Variants in NEBL observed in about 807,000 individuals in gnomAD.
The protein encoded by NEBL is LIM and SH3 protein 2.
A neutral mutation model predicts 140.2 loss-of-function variants in NEBL; 122 were observed. That is an observed-to-expected ratio of 0.87 (90% CI 0.75 to 1.01). The LOEUF is 1.01. Ranked by LOEUF, NEBL falls within the 50% of genes least tolerant of loss-of-function variation. The probability of loss-of-function intolerance (pLI) is 0.00; values close to 1 mark genes in which losing one functional copy is unlikely to be tolerated. For missense variants in NEBL, 1,365 were observed against 1,231.3 expected, an observed-to-expected ratio of 1.11 and a Z score of -1.62; for synonymous variants, 436 against 398.9, an observed-to-expected ratio of 1.09 and a Z score of -1.11.
chr10:20,951,979 G>A (rs935109851), intron 4 of NEBL, among the ~76,000 whole-genome samples: 1 of 151,940 alleles, frequency 6.6e-6, no homozygotes, highest in East Asian at 1.9e-4. Context: ...ATTCACATCT[G>A]CCCAGGCTAA....
intron 3 of NEBL, among the ~76,000 whole-genome samples, chr10:21,222,812 G>A (rs1491004342): frequency 6.6e-6 from 1 of 152,144 alleles, no homozygotes; most frequent in Non-Finnish European, 1.5e-5. Context: ...GCCCAGGCTG[G>A]AATGCAATGG....
At chr10:21,260,352 A>G in intron 1 of NEBL, among the ~76,000 whole-genome samples, 1 of 152,232 alleles carries the variant, frequency 6.6e-6, no homozygotes, top group East Asian at 1.9e-4. Flanking sequence ...CAAATTTGCT[A>G]ACAGGGCCTG....
At chr10:21,140,698 T>C (rs1839588085) in intron 2 of NEBL, among the ~76,000 whole-genome samples, 1 of 152,094 alleles carries the variant, frequency 6.6e-6, no homozygotes, top group Non-Finnish European at 1.5e-5. Flanking sequence ...AAATCAATAC[T>C]AATTAAAAAC....
Position 20,817,695 on chromosome 10 carries a change from A to C in NEBL, c.2056-3T>G. The C allele has an allele frequency of 6.2e-7, 1 of 1,602,244 alleles. No individual in the cohort carries two copies. Among genetic ancestry groups the C allele is most frequent in the Non-Finnish European group, 8.6e-7 (1 of 1,169,236 alleles). ...TGAAGTTCTCCCTTATATTTTACCT[A>C]AGAAGGATAAATAAGAACTTTAACA... On this transcript the variant is annotated splice_polypyrimidine_tract_variant and splice_region_variant and intron_variant, in intron 20 of 27. Coordinates refer to ENST00000377122, the MANE Select transcript of NEBL (RefSeq NM_006393.3).
At chr10:21,219,366 T>G (rs564804576) in intron 3 of NEBL, among the ~76,000 whole-genome samples, 3 of 152,360 alleles carry the variant, frequency 2.0e-5, no homozygotes, top group African/African-American at 7.2e-5. Flanking sequence ...AAAACCAACC[T>G]ATTGACATTC....
In NEBL at chr10:21,166,875, G is replaced by A. The variant is rs575012414; in HGVS notation, c.164+5508C>T. Among the ~76,000 whole-genome samples, 3 of 152,316 alleles carry A rather than the reference G, an allele frequency of 2.0e-5. No individual in the cohort carries two copies. In the East Asian group the frequency reaches 5.8e-4, roughly 29 times the overall value. ...CCTTGAGATAACTCAAGTCCTTGGA[G>A]TGTTCTAGAACCAAATTCAGGAGGC... is the stretch of plus-strand genomic sequence containing the variant. On this transcript the variant is annotated intron_variant, in intron 2 of 6. Coordinates refer to the NEBL transcript ENST00000417816.
At chr10:20,942,793 CTT>C (rs199626535) in intron 4 of NEBL, among the ~76,000 whole-genome samples, 4,896 of 152,258 alleles carry the variant, frequency 0.032, 383 homozygotes, top group East Asian at 0.26. Context: ...TGAATAGACA[CTT>C]CTCAAAAGAA....
rs1263039483 is a variant in NEBL at position 21,115,267 on chromosome 10, C to G, written c.164+57116G>C. ...ACCTTGTTATAATATTTGCTTTAAA[C>G]AGTTAATTGTTTTTTAAAGATATTT... On this transcript the variant is annotated intron_variant, in intron 2 of 6. Transcript: ENST00000417816. Among the ~76,000 whole-genome samples the G allele has an allele frequency of 2.6e-5, 4 of 151,966 alleles. No individual in the cohort carries two copies. In the East Asian group the frequency reaches 7.7e-4, roughly 29 times the overall value.
intron 19 of NEBL, among the ~76,000 whole-genome samples, chr10:20,821,669 C>T (rs954584117): frequency 1.3e-4 from 20 of 152,316 alleles, no homozygotes; most frequent in Non-Finnish European, 2.5e-4. Flanking sequence ...AAGTCAACTG[C>T]TCTTAAACAT....
At chr10:20,874,906 G>GT (rs369083889) in intron 5 of NEBL, among the ~76,000 whole-genome samples, 1,950 of 151,932 alleles carry the variant, frequency 0.013, 40 homozygotes, top group African/African-American at 0.045. Context: ...CACCCAGATA[G>GT]TTTTTGTATT....
chr10:21,088,064 G>C (rs1836725235), intron 2 of NEBL, among the ~76,000 whole-genome samples: 1 of 152,190 alleles, frequency 6.6e-6, no homozygotes, highest in African/African-American at 2.4e-5. Flanking sequence ...CCCTGACAGT[G>C]TTTCCCTCCC....
intron 9 of NEBL, among the ~76,000 whole-genome samples, chr10:20,857,979 T>C (rs932165316): frequency 6.6e-5 from 10 of 152,096 alleles, no homozygotes; most frequent in Admixed American, 6.5e-4. Context: ...GAAAGAAGAA[T>C]GATGGAAAGG....
intron 2 of NEBL, chr10:21,029,854 G>A: frequency 1.5e-6 from 1 of 682,532 alleles, no homozygotes; most frequent in Non-Finnish European, 2.7e-6. Flanking sequence ...TTGGCAGTGG[G>A]TACCCAGGGA....
rs111854914 is a variant in NEBL at position 20,868,724 on chromosome 10, G to A, written c.624C>T (p.Pro208=). The change falls in exon 7 of 28, where the codon CCC becomes CCT. Residue 208 remains proline (P), a synonymous_variant. Transcript: ENST00000377122. ...KKGQGIMNKE[P]AVIGRPDFEH... ...CAAAATCTGGTCTTCCAATTACAGC[G>A]GGCTCTTTATTCATTATTCCTTGTC... is the stretch of plus-strand genomic sequence containing the variant. The A allele has an allele frequency of 2.0e-4, 323 of 1,612,428 alleles. No individual in the cohort carries two copies. The African/African-American group carries it at 3.6e-3, about 18-fold the overall frequency.
chr10:21,087,359 C>CT (rs1272661158), intron 2 of NEBL, among the ~76,000 whole-genome samples: 3 of 151,886 alleles, frequency 2.0e-5, no homozygotes, highest in Admixed American at 6.6e-5. Context: ...CATAATTAAG[C>CT]TTTTTTTTAT....
At chr10:20,832,007 A>T (rs1840462764) in intron 14 of NEBL, among the ~76,000 whole-genome samples, 1 of 152,074 alleles carries the variant, frequency 6.6e-6, no homozygotes, top group South Asian at 2.1e-4. Flanking sequence ...TTGGCTCCCT[A>T]ATTTGCCACT....
chr10:21,288,851 A>ATATATATATATATATAT (rs1337610393), intron 1 of NEBL, among the ~76,000 whole-genome samples: 29 of 32,132 alleles, frequency 9.0e-4, no homozygotes, highest in East Asian at 2.3e-3. Context: ...TATATATATA[A>ATATATATATATATATAT]AAATTTTTTT....
intron 2 of NEBL, among the ~76,000 whole-genome samples, chr10:21,163,371 A>G (rs2132159459): frequency 6.6e-6 from 1 of 152,268 alleles, no homozygotes; most frequent in East Asian, 1.9e-4. Flanking sequence ...AGTGCAGGTT[A>G]TCCAAACAGG....
intron 2 of NEBL, among the ~76,000 whole-genome samples, chr10:21,167,502 C>G (rs1180998450): frequency 6.6e-6 from 1 of 152,076 alleles, no homozygotes; most frequent in Non-Finnish European, 1.5e-5. Context: ...TTGGTGGCAC[C>G]CCAGACCTAA....
Sources: allele counts gnomAD v4.1 joint callset (sites outside exome capture counted in the v4.1 genomes callset), GRCh38; gene constraint gnomAD v4.1.1; transcripts MANE v1.5; gene names NCBI Gene and HGNC (gene_info 2026-07-23, HGNC 2026-07-21).